ATP2A2: variants seen among roughly 807,000 people sequenced by gnomAD.
ATP2A2 encodes the protein ATPase sarcoplasmic/endoplasmic reticulum Ca2+ transporting 2, also known as sarcoplasmic/endoplasmic reticulum calcium ATPase 2.
In ATP2A2, 14 loss-of-function variants were observed where a neutral mutation model predicts 109.3. The ratio of observed to expected loss-of-function variants is 0.13; its 90% CI spans 0.08 to 0.20. ATP2A2 has a LOEUF of 0.20. Among genes scored for constraint, ATP2A2 ranks in the 10% least tolerant of loss-of-function variants. The probability of loss-of-function intolerance (pLI) is 1.00; values close to 1 mark genes in which losing one functional copy is unlikely to be tolerated. For synonymous variants in ATP2A2, 506 were observed against 490.9 expected (o/e 1.03, Z -0.41); for missense variants, 657 against 1,321.6 (o/e 0.50, Z 7.80).
At chr12:110,288,663 C>T (rs900861592) in intron 3 of ATP2A2, among the ~76,000 whole-genome samples, 1 of 152,132 alleles carries the variant, frequency 6.6e-6, no homozygotes, top group African/African-American at 2.4e-5. Flanking sequence ...CCTCAGCCTC[C>T]CAAAGTGCTG....
In ATP2A2 at chr12:110,281,758, C is replaced by T. The variant is rs1417793044; in HGVS notation, c.-32C>T. On this transcript the variant is annotated 5_prime_UTR_variant, in exon 1 of 20. It adds an upstream start codon to the 5' untranslated region. Transcript: ENST00000539276. ...GGCGGAGGCGAGGAGGCCGCGGGGA[C>T]GGGAGGCGAGGCCGGCCGGGCCCCC... 2.1e-6 allele frequency: 3 copies of T among 1,442,212 alleles called. No individual in the cohort carries two copies. Among genetic ancestry groups the T allele is most frequent in the Admixed American group, 2.5e-5 (1 of 40,354 alleles). The allele number at this position is 1,442,212 out of a possible 1,614,324, so 89.3% of individuals were successfully genotyped here.
chr12:110,337,227 C>G (rs902889651), intron 11 of ATP2A2, among the ~76,000 whole-genome samples: 2 of 152,198 alleles, frequency 1.3e-5, no homozygotes, highest in African/African-American at 2.4e-5. Flanking sequence ...TCCCTTCCCA[C>G]TTGAGACAGC....
chr12:110,306,498 C>T (rs1566213536), intron 5 of ATP2A2, among the ~76,000 whole-genome samples: 1 of 152,106 alleles, frequency 6.6e-6, no homozygotes, highest in African/African-American at 2.4e-5. Context: ...GATAGTTTTT[C>T]AGCCCTCGCC....
At chr12:110,322,417 G>A (rs1877337095) in intron 5 of ATP2A2, among the ~76,000 whole-genome samples, 1 of 152,016 alleles carries the variant, frequency 6.6e-6, no homozygotes, top group Non-Finnish European at 1.5e-5. Flanking sequence ...CAAGGGTGCA[G>A]TGAGCTGTGA....
At chr12:110,297,614 G>A (rs1373994848) in intron 5 of ATP2A2, among the ~76,000 whole-genome samples, 1 of 151,090 alleles carries the variant, frequency 6.6e-6, no homozygotes, top group Non-Finnish European at 1.5e-5. Flanking sequence ...CTGTTTTTTT[G>A]TTTTGTTTTG....
chr12:110,302,518 T>C (rs1235813152), intron 5 of ATP2A2, among the ~76,000 whole-genome samples: 1 of 152,046 alleles, frequency 6.6e-6, no homozygotes. Context: ...AGTATGGTAA[T>C]TGCTAAAAAG....
At chr12:110,291,188 G>A (rs977923511) in intron 3 of ATP2A2, among the ~76,000 whole-genome samples, 2 of 150,188 alleles carry the variant, frequency 1.3e-5, no homozygotes, top group African/African-American at 2.5e-5. Context: ...AATTACAGGC[G>A]TGAGCCATCG....
At chr12:110,289,186 T>G (rs1217711931) in intron 3 of ATP2A2, among the ~76,000 whole-genome samples, 3 of 152,224 alleles carry the variant, frequency 2.0e-5, no homozygotes, top group Non-Finnish European at 4.4e-5. Flanking sequence ...ATACCCACTT[T>G]AACAAGGTGT....
In ATP2A2 at chr12:110,348,719, A is replaced by T. The variant is rs189898308; in HGVS notation, c.*2249A>T. ...GCCCTGTCAAAAAAAAATCAGCCTT[A>T]CTGTGAAGCCTCCAAGGCTGCTCGC... On this transcript the variant is annotated 3_prime_UTR_variant, in exon 20 of 20. Transcript: ENST00000539276. 1.0e-6 allele frequency: 1 copy of T among 985,232 alleles called. No homozygotes were observed. The highest frequency in any genetic ancestry group is 1.2e-6 in the Non-Finnish European group (1 of 829,968). The allele number at this position is 985,232 out of a possible 1,614,324, so 61.0% of individuals were successfully genotyped here.
chr12:110,349,968 C>G lies in ATP2A2; in HGVS notation c.*3498C>G. The G allele has an allele frequency of 8.7e-6, 11 of 1,269,768 alleles. No individual in the cohort carries two copies. The highest frequency in any genetic ancestry group is 1.1e-5 in the Non-Finnish European group (11 of 998,586). The allele number at this position is 1,269,768 out of a possible 1,614,324, so 78.7% of individuals were successfully genotyped here. On this transcript the variant is annotated 3_prime_UTR_variant, in exon 20 of 20. Transcript: ENST00000539276. ...CAACCTCACCCTCTGCACCACTAAC[C>G]AAGACCTTGTCCTCTTGCCTGTCTC...
intron 19 of ATP2A2, 33 bp downstream of exon 19, chr12:110,346,151 C>T (rs765782075): frequency 5.6e-6 from 9 of 1,614,084 alleles, no homozygotes; most frequent in South Asian, 1.1e-5. Flanking sequence ...GGACCAGCCA[C>T]CTCCTTCCAG....
rs1880290276 is a variant in ATP2A2, at chr12:110,350,369, C to G, written c.*3899C>G. On this transcript the variant is annotated 3_prime_UTR_variant, in exon 20 of 20. Coordinates refer to ENST00000539276, the MANE Select transcript of ATP2A2 (RefSeq NM_170665.4). ...CGGTTGCGTGCATGTGCGTTTTTAGCAACACATCTACCAACCCTGTGCATG... is the reference window on the plus strand; with the variant it reads ...CGGTTGCGTGCATGTGCGTTTTTAGGAACACATCTACCAACCCTGTGCATG... 1 of 1,613,370 alleles carries G rather than the reference C, an allele frequency of 6.2e-7. No individual in the cohort carries two copies. The highest frequency in any genetic ancestry group is 1.7e-5 in the Admixed American group (1 of 60,002).
intron 3 of ATP2A2, among the ~76,000 whole-genome samples, chr12:110,283,452 C>T (rs1044757601): frequency 1.3e-5 from 2 of 152,170 alleles, no homozygotes; most frequent in African/African-American, 4.8e-5. Context: ...TGTGCTTACC[C>T]ACTTGAGTGC....
chr12:110,323,184 CTAAGAT>C, intron 6 of ATP2A2, 112 bp downstream of exon 6: 2 of 853,452 alleles, frequency 2.3e-6, no homozygotes, highest in South Asian at 2.7e-5. Context: ...TTAATCCTCT[CTAAGAT>C]ACTTATTTCT....
Position 110,350,536 on chromosome 12 carries a change from C to T in ATP2A2, c.*4066C>T. 7.4e-6 allele frequency: 5 copies of T among 672,860 alleles called. No homozygotes were observed. The highest frequency in any genetic ancestry group is 1.2e-5 in the Non-Finnish European group (5 of 410,312). 41.7% of individuals were successfully genotyped at this position (672,860 alleles called of 1,614,324 possible). A position where few individuals can be genotyped will look rare whatever the true frequency, so the allele number is the denominator to read the frequency against. ...TGTACAATTTAGCTTAATCAGAAAG[C>T]CTCTCCAGAGAAGTTTGGTTTCTTT... On this transcript the variant is annotated 3_prime_UTR_variant, in exon 20 of 20. Coordinates refer to ENST00000539276, the MANE Select transcript of ATP2A2 (RefSeq NM_170665.4).
At chr12:110,344,836 A>G in intron 16 of ATP2A2, 50 bp from the exon 17 acceptor site, 1 of 1,570,514 alleles carries the variant, frequency 6.4e-7, no homozygotes, top group Non-Finnish European at 8.8e-7. Context: ...CCTCGGTGGC[A>G]GCGAGCCCTG....
At position 110,349,777 on chromosome 12, in the gene ATP2A2, C is replaced by T. The variant is rs533815807; in HGVS notation, c.*3307C>T. On this transcript the variant is annotated 3_prime_UTR_variant, in exon 20 of 20. Transcript: ENST00000539276. The stretch of plus-strand genomic sequence containing the variant: ...GTAACCACCAAATTGTCCAAACACC[C>T]GCTGCAGTTAGCAAGAAGGGTAGGC... 56 of 1,018,480 alleles carry T rather than the reference C, an allele frequency of 5.5e-5. No individual in the cohort carries two copies. Among genetic ancestry groups the T allele is most frequent in the South Asian group, 8.0e-5 (2 of 25,012 alleles). The allele number at this position is 1,018,480 out of a possible 1,614,324, so 63.1% of individuals were successfully genotyped here.
upstream of ATP2A2, chr12:110,280,654 G>T (rs1186926584): frequency 2.0e-5 from 3 of 152,412 alleles, no homozygotes; most frequent in East Asian, 5.8e-4. Context: ...GCGTGCGAAG[G>T]AGCTGGCGGC....
In ATP2A2 at chr12:110,349,951, C is replaced by T. The variant is rs369071730; in HGVS notation, c.*3481C>T. 7.3e-4 allele frequency: 895 copies of T among 1,218,748 alleles called. 20 individuals are homozygous for T. The South Asian group carries it at 0.016, about 22-fold the overall frequency. The allele number at this position is 1,218,748 out of a possible 1,614,324, so 75.5% of individuals were successfully genotyped here. A position where few individuals can be genotyped will look rare whatever the true frequency, so the allele number is the denominator to read the frequency against. On this transcript the variant is annotated 3_prime_UTR_variant, in exon 20 of 20. Transcript: ENST00000539276. ...GCTGCTCACTTCTCCATCAACCTCA[C>T]CCTCTGCACCACTAACCAAGACCTT...
Sources: allele counts gnomAD v4.1 joint callset (sites outside exome capture counted in the v4.1 genomes callset), GRCh38; gene constraint gnomAD v4.1.1; transcripts MANE v1.5; gene names NCBI Gene and HGNC (gene_info 2026-07-23, HGNC 2026-07-21).